Variants in CREB3L1 observed in about 807,000 individuals in gnomAD.
The protein encoded by CREB3L1 is cyclic AMP-responsive element-binding protein 3-like protein 1.
In CREB3L1, 33 loss-of-function variants were observed where a neutral mutation model predicts 54.5. The ratio of observed to expected loss-of-function variants is 0.61; its 90% CI spans 0.46 to 0.81. CREB3L1 has a LOEUF of 0.81. Ranked by LOEUF, CREB3L1 falls within the 30% of genes least tolerant of loss-of-function variation. The pLI is 0.00. For missense variants in CREB3L1, 656 were observed against 673.3 expected, an observed-to-expected ratio of 0.97 and a Z score of 0.29; for synonymous variants, 284 against 286.4, an observed-to-expected ratio of 0.99 and a Z score of 0.08.
intron 1 of CREB3L1, among the ~76,000 whole-genome samples, chr11:46,279,938 A>C (rs559522984): frequency 6.6e-6 from 1 of 152,290 alleles, no homozygotes; most frequent in African/African-American, 2.4e-5. Context: ...GCACAGGAAA[A>C]GAGGCACGAC....
At chr11:46,300,814 G>T (rs1196638939) in intron 2 of CREB3L1, among the ~76,000 whole-genome samples, 1 of 151,600 alleles carries the variant, frequency 6.6e-6, no homozygotes, top group Non-Finnish European at 1.5e-5. Context: ...GACCATCCTG[G>T]CTAACACAGT....
At chr11:46,288,171 C>T (rs1939083004) in intron 1 of CREB3L1, among the ~76,000 whole-genome samples, 1 of 152,128 alleles carries the variant, frequency 6.6e-6, no homozygotes, top group South Asian at 2.1e-4. Context: ...CAGCCTCCGC[C>T]TCCCAGGTTC....
At chr11:46,317,095 C>T (rs1939577725) in intron 9 of CREB3L1, among the ~76,000 whole-genome samples, 1 of 152,146 alleles carries the variant, frequency 6.6e-6, no homozygotes, top group East Asian at 1.9e-4. Context: ...CGTAAGGGGA[C>T]TCCACATTGG....
At chr11:46,297,773 G>C (rs1313251411) in intron 1 of CREB3L1, among the ~76,000 whole-genome samples, 1 of 152,140 alleles carries the variant, frequency 6.6e-6, no homozygotes. Flanking sequence ...GGCTTTGTTT[G>C]GAGGGAAAGG....
At chr11:46,310,990 G>T in intron 4 of CREB3L1, 42 bp from the exon 5 acceptor site, 1 of 1,525,398 alleles carries the variant, frequency 6.6e-7, no homozygotes, top group Non-Finnish European at 8.8e-7. Flanking sequence ...AAGTGGAGCT[G>T]ATGTGCAACG....
chr11:46,278,616 C>T lies in CREB3L1; in HGVS notation c.102+403C>T, dbSNP rs1157210665. Reference sequence around the variant, plus strand: ...CGGTGGCTCATAGGCTGGATCTCCGCTGGGGGGCGCACCGGGGAACGTTCA... The same window carrying T: ...CGGTGGCTCATAGGCTGGATCTCCGTTGGGGGGCGCACCGGGGAACGTTCA... On this transcript the variant is annotated intron_variant, in intron 1 of 11. Coordinates refer to ENST00000621158, the MANE Select transcript of CREB3L1 (RefSeq NM_052854.4). This position sits in a 1 kb window ranked among gnomAD's most constrained non-coding sequence, Gnocchi z 4.2. Among the ~76,000 whole-genome samples the T allele has an allele frequency of 6.6e-6, 1 of 152,242 alleles. No homozygotes were observed. The highest frequency in any genetic ancestry group is 2.4e-5 in the African/African-American group (1 of 41,464).
chr11:46,299,117 T>A (rs1162213229), intron 1 of CREB3L1, among the ~76,000 whole-genome samples: 2 of 152,336 alleles, frequency 1.3e-5, no homozygotes, highest in Admixed American at 1.3e-4. Context: ...AACTCCACTG[T>A]GTGCTGTGCA....
Position 46,312,901 on chromosome 11 carries a change from C to T in CREB3L1, c.1013C>T (p.Thr338Ile), listed in dbSNP as rs760005759. The T allele has an allele frequency of 3.1e-6, 5 of 1,588,320 alleles. No homozygotes were observed. The highest frequency in any genetic ancestry group is 4.3e-6 in the Non-Finnish European group (5 of 1,167,702). Residue 338 changes from threonine to isoleucine, a missense_variant, in exon 8 of 12, where the codon ACC becomes ATC. By Grantham distance (89) the Thr-to-Ile change is moderately conservative (BLOSUM62 -1). This residue lies in a region of CREB3L1 where 77 missense variants were observed against 122.0 expected (regional missense o/e 0.63). Transcript: ENST00000621158. Reference sequence around the variant, plus strand: ...AATGAACTGTGGAAGAAGGTGGAGACCCTGGAGAATGCCAACAGGTGGGTA... The same window carrying T: ...AATGAACTGTGGAAGAAGGTGGAGATCCTGGAGAATGCCAACAGGTGGGTA... The part of the protein sequence containing the change: ...ENNELWKKVE[T>I]LENANRTLLQ...
chr11:46,298,588 G>T (rs755543114), intron 1 of CREB3L1, among the ~76,000 whole-genome samples: 37 of 152,092 alleles, frequency 2.4e-4, no homozygotes, highest in Non-Finnish European at 2.1e-4. Flanking sequence ...AGTCCCGGCT[G>T]CTTGGGAGGC....
chr11:46,299,955 C>T lies in CREB3L1; in HGVS notation c.123C>T (p.Asp41=). The T allele has an allele frequency of 6.2e-7, 1 of 1,613,900 alleles. No individual in the cohort carries two copies. The highest frequency in any genetic ancestry group is 8.5e-7 in the Non-Finnish European group (1 of 1,179,796). Residue 41 remains aspartate (D), a synonymous_variant, in exon 2 of 12, where the codon GAC becomes GAT. Coordinates refer to ENST00000621158, the MANE Select transcript of CREB3L1 (RefSeq NM_052854.4). ...LNNAHFPEHL[D]HFTENMEDFS... Reference sequence around the variant, plus strand: ...CCTAGCACTTTCCTGAGCACCTGGACCACTTTACGGAGAACATGGAGGACT... The same window carrying T: ...CCTAGCACTTTCCTGAGCACCTGGATCACTTTACGGAGAACATGGAGGACT...
rs376363250 is a variant in CREB3L1 at position 46,300,182 on chromosome 11, T to C, written c.331+19T>C. On this transcript the variant is annotated intron_variant, in intron 2 of 11. Coordinates refer to ENST00000621158, the MANE Select transcript of CREB3L1 (RefSeq NM_052854.4). ...ACCCAAGGTAAGAGGTGGAAGAACC[T>C]GGGGACAGCACAGGCCCAGGAGGCC... 6.3e-7 allele frequency: 1 copy of C among 1,587,428 alleles called. No homozygotes were observed. The highest frequency in any genetic ancestry group is 8.6e-7 in the Non-Finnish European group (1 of 1,161,976).
At chr11:46,305,847 C>T (rs1939388630) in intron 2 of CREB3L1, among the ~76,000 whole-genome samples, 1 of 150,668 alleles carries the variant, frequency 6.6e-6, no homozygotes, top group African/African-American at 2.4e-5. Context: ...ATGCCATTCT[C>T]CTGCCTCAGC....
intron 2 of CREB3L1, among the ~76,000 whole-genome samples, chr11:46,301,938 G>A (rs571742467): frequency 6.6e-6 from 1 of 152,070 alleles, no homozygotes; most frequent in South Asian, 2.1e-4. Flanking sequence ...GTGACAGAGT[G>A]AGACTCTGTC....
At chr11:46,289,148 C>T (rs1297187948) in intron 1 of CREB3L1, among the ~76,000 whole-genome samples, 1 of 152,130 alleles carries the variant, frequency 6.6e-6, no homozygotes, top group East Asian at 1.9e-4. Flanking sequence ...GAGGCTGAGG[C>T]AGGCGGATCA....
rs760874935 is a variant in CREB3L1 at position 46,299,932 on chromosome 11, T to C, written c.103-3T>C. The C allele has an allele frequency of 5.6e-6, 9 of 1,611,612 alleles. No homozygotes were observed. The South Asian group carries it at 9.9e-5, about 18-fold the overall frequency. ...CTCTTCCCCTCACCTCTTCCTTCCC[T>C]AGCACTTTCCTGAGCACCTGGACCA... is the stretch of plus-strand genomic sequence containing the variant. On this transcript the variant is annotated splice_polypyrimidine_tract_variant and splice_region_variant and intron_variant, in intron 1 of 11. Transcript: ENST00000621158.
rs373549423 is a variant in CREB3L1, at chr11:46,312,487, A to T, written c.903+13A>T. 3.9e-4 allele frequency: 627 copies of T among 1,611,748 alleles called. No individual in the cohort carries two copies. Among genetic ancestry groups the T allele is most frequent in the Non-Finnish European group, 5.1e-4 (598 of 1,178,660 alleles). The stretch of plus-strand genomic sequence containing the variant: ...AATCAAGAACAAGGTAAAGCCTGCC[A>T]CCCTGGGGCTTCAGAGGGCTTCCTT... On this transcript the variant is annotated intron_variant, in intron 6 of 11. Coordinates refer to ENST00000621158, the MANE Select transcript of CREB3L1 (RefSeq NM_052854.4).
chr11:46,310,398 C>T lies in CREB3L1; in HGVS notation c.595+331C>T, dbSNP rs543177213. Among the ~76,000 whole-genome samples, 14 of 151,932 alleles carry T rather than the reference C, an allele frequency of 9.2e-5. 1 individual carries two copies. The South Asian group carries it at 2.9e-3, about 32-fold the overall frequency. On this transcript the variant is annotated intron_variant, in intron 4 of 11. Coordinates refer to ENST00000621158, the MANE Select transcript of CREB3L1 (RefSeq NM_052854.4). ...TTCTCCTGTCTCAGCCTCCTAAGTA[C>T]CTGGGATTACAGGTGCCCACCACCA...
rs541106344 is a variant in CREB3L1 at position 46,288,287 on chromosome 11, G to A, written c.102+10074G>A. Among the ~76,000 whole-genome samples the A allele has an allele frequency of 3.4e-3, 522 of 152,142 alleles. 6 individuals are homozygous for A. Among genetic ancestry groups the A allele is most frequent in the African/African-American group, 0.012 (504 of 41,524 alleles). On this transcript the variant is annotated intron_variant, in intron 1 of 11. Coordinates refer to ENST00000621158, the MANE Select transcript of CREB3L1 (RefSeq NM_052854.4). ...AGCAGAGATGGGGTTTTGTTATGTTGGCCAGGCTGGTCTCAAACTCCTGGC... is the reference window on the plus strand; with the variant it reads ...AGCAGAGATGGGGTTTTGTTATGTTAGCCAGGCTGGTCTCAAACTCCTGGC...
chr11:46,284,655 C>CAA (rs10715929), intron 1 of CREB3L1, among the ~76,000 whole-genome samples: 1 of 134,408 alleles, frequency 7.4e-6, no homozygotes. Flanking sequence ...ACTCCATCTC[C>CAA]AAAAAAAAAA....
Sources: allele counts gnomAD v4.1 joint callset (sites outside exome capture counted in the v4.1 genomes callset), GRCh38; gene constraint gnomAD v4.1.1; regional missense constraint gnomAD v4.1.1; non-coding constraint Gnocchi (gnomAD v3.1); transcripts MANE v1.5; gene names NCBI Gene and HGNC (gene_info 2026-07-23, HGNC 2026-07-21).